WWC1: variants seen among roughly 807,000 people sequenced by gnomAD.
WWC1 encodes the protein WW and C2 domain containing 1.
A neutral mutation model predicts 138.4 loss-of-function variants in WWC1; 55 were observed. The observed-to-expected ratio is 0.40, with a 90% confidence interval of 0.32 to 0.50. The LOEUF is 0.50. Among genes scored for constraint, WWC1 ranks in the 20% least tolerant of loss-of-function variants. The pLI is 0.72. For synonymous variants in WWC1, 524 were observed against 564.9 expected (o/e 0.93, Z 1.03); for missense variants, 1,226 against 1,420.4 (o/e 0.86, Z 2.20).
At chr5:168,389,644 A>G (rs1778337801) in intron 3 of WWC1, among the ~76,000 whole-genome samples, 1 of 142,050 alleles carries the variant, frequency 7.0e-6, no homozygotes, top group South Asian at 2.2e-4. Context: ...CTTGGCACCC[A>G]ACATGTGACA....
At chr5:168,463,889 G>C (rs1414687840) in intron 20 of WWC1, among the ~76,000 whole-genome samples, 1 of 152,146 alleles carries the variant, frequency 6.6e-6, no homozygotes, top group Non-Finnish European at 1.5e-5. Context: ...CACAAGTAAA[G>C]ATGACCATGA....
At chr5:168,415,853 GC>G in intron 9 of WWC1, 1 of 116,870 alleles carries the variant, frequency 8.6e-6, no homozygotes, top group Non-Finnish European at 1.8e-5. Context: ...TGTGTGTGTG[GC>G]ATATGTGGTG....
intron 22 of WWC1, among the ~76,000 whole-genome samples, chr5:168,468,521 G>C (rs776479252): frequency 6.6e-6 from 1 of 152,100 alleles, no homozygotes; most frequent in Non-Finnish European, 1.5e-5. Context: ...TTCCTTTGTG[G>C]AATATAAACA....
chr5:168,331,124 G>T (rs72822628), intron 1 of WWC1, among the ~76,000 whole-genome samples: 17,022 of 152,170 alleles, frequency 0.11, 1,300 homozygotes, highest in Non-Finnish European at 0.15. Context: ...CTCCCTGGGG[G>T]CTGTGTGGAT....
At chr5:168,380,144 A>G (rs1777504913) in intron 2 of WWC1, among the ~76,000 whole-genome samples, 1 of 152,214 alleles carries the variant, frequency 6.6e-6, no homozygotes. Context: ...AAGACGTCCT[A>G]CAACTTAACA....
chr5:168,310,743 T>C (rs571323182), intron 1 of WWC1, among the ~76,000 whole-genome samples: 1 of 151,012 alleles, frequency 6.6e-6, no homozygotes, highest in East Asian at 2.0e-4. Flanking sequence ...AATGCTGAGG[T>C]GGAAGGATCA....
chr5:168,443,477 G>A (rs747669158), intron 16 of WWC1, among the ~76,000 whole-genome samples: 8 of 151,986 alleles, frequency 5.3e-5, no homozygotes, highest in Non-Finnish European at 1.0e-4. Context: ...TCAAACCCAG[G>A]TCTCTCACTC....
chr5:168,323,926 A>G (rs1772329091), intron 1 of WWC1, among the ~76,000 whole-genome samples: 1 of 152,198 alleles, frequency 6.6e-6, no homozygotes, highest in Non-Finnish European at 1.5e-5. Context: ...GAGAACAGTA[A>G]GAATACTGCG....
intron 1 of WWC1, among the ~76,000 whole-genome samples, chr5:168,347,585 C>T (rs1048900044): frequency 1.3e-5 from 2 of 152,202 alleles, no homozygotes; most frequent in Admixed American, 1.3e-4. Flanking sequence ...GTCATTCTGT[C>T]AGCTCGTGGC....
intron 21 of WWC1, 104 bp from the exon 22 acceptor site, chr5:168,467,736 G>T (rs3816545): frequency 0.16 from 241,676 of 1,509,120 alleles, 22,223 homozygotes; most frequent in East Asian, 0.47. Flanking sequence ...GCAAGAGTGA[G>T]GGTGCCGTCC....
chr5:168,356,202 C>T (rs554530721), intron 1 of WWC1, among the ~76,000 whole-genome samples: 3 of 152,336 alleles, frequency 2.0e-5, no homozygotes, highest in Admixed American at 6.5e-5. Flanking sequence ...AGATTCATTA[C>T]GTCGCTGAAG....
chr5:168,437,079 A>G (rs1782407321), intron 15 of WWC1, among the ~76,000 whole-genome samples: 1 of 54,810 alleles, frequency 1.8e-5, no homozygotes, highest in Non-Finnish European at 3.6e-5. Context: ...CCTTGAATAC[A>G]CACACCAACA....
At chr5:168,460,855 C>A in intron 20 of WWC1, 113 bp downstream of exon 20, 1 of 1,132,720 alleles carries the variant, frequency 8.8e-7, no homozygotes, top group Non-Finnish European at 1.3e-6. Context: ...CAGCCACTGG[C>A]TAGAAAAATG....
At chr5:168,438,157 C>T (rs1754405536) in intron 15 of WWC1, among the ~76,000 whole-genome samples, 1 of 152,070 alleles carries the variant, frequency 6.6e-6, no homozygotes, top group Non-Finnish European at 1.5e-5. Flanking sequence ...TCTTCCTTTC[C>T]CCACTCAACA....
At chr5:168,317,352 G>A (rs777028614) in intron 1 of WWC1, among the ~76,000 whole-genome samples, 19 of 152,164 alleles carry the variant, frequency 1.2e-4, no homozygotes, top group Non-Finnish European at 2.5e-4. Context: ...CGCACTCTCC[G>A]GGGTGCAGTG....
chr5:168,471,399 A>G lies in WWC1; in HGVS notation c.*2382A>G, dbSNP rs1002384773. On this transcript the variant is annotated 3_prime_UTR_variant, in exon 23 of 23. Coordinates refer to ENST00000265293, the MANE Select transcript of WWC1 (RefSeq NM_015238.3). ...CAGACACATTCAGGGTTTACTTCGT[A>G]ATGTCTTCATATGAGTATCAATCAA... 6.6e-6 allele frequency: 1 copy of G among 152,294 alleles called. No individual in the cohort carries two copies. Among genetic ancestry groups the G allele is most frequent in the African/African-American group, 2.4e-5 (1 of 41,444 alleles). The allele number at this position is 152,294 out of a possible 1,614,324, so 9.4% of individuals were successfully genotyped here. A position where few individuals can be genotyped will look rare whatever the true frequency, so the allele number is the denominator to read the frequency against.
intron 1 of WWC1, among the ~76,000 whole-genome samples, chr5:168,334,353 T>G (rs1042001193): frequency 1.3e-5 from 2 of 152,146 alleles, no homozygotes; most frequent in Admixed American, 6.6e-5. Context: ...CCACCCCCAC[T>G]GCACTCTGGC....
chr5:168,312,202 A>G (rs185868988), intron 1 of WWC1, among the ~76,000 whole-genome samples: 1 of 149,924 alleles, frequency 6.7e-6, no homozygotes, highest in African/African-American at 2.4e-5. Context: ...GGGTGACAGA[A>G]CGAGACGCCG....
chr5:168,454,013 G>A lies in WWC1; in HGVS notation c.2571G>A (p.Glu857=), dbSNP rs1346507834. The A allele has an allele frequency of 6.3e-7, 1 of 1,588,648 alleles. No individual in the cohort carries two copies. ...TSENEAVAEE[E]EEEVEEEEGE... is the part of the protein sequence containing the mutation. ...AGAATGAGGCAGTAGCCGAGGAAGA[G>A]GAGGAGGAGGTGGAGGAGGAGGAGG... Residue 857 remains glutamate, a synonymous_variant, in exon 18 of 23, where the codon GAG becomes GAA. Coordinates refer to ENST00000265293, the MANE Select transcript of WWC1 (RefSeq NM_015238.3).
Sources: gnomAD v4.1 joint callset for allele counts (sites outside exome capture counted in the v4.1 genomes callset) on GRCh38, gnomAD v4.1.1 for gene constraint, MANE v1.5 for transcripts, NCBI Gene and HGNC (gene_info 2026-07-23, HGNC 2026-07-21) for gene names.